The following USH2A variants were observed in gnomAD, a reference collection of about 807,000 sequenced individuals.
USH2A encodes the protein Usher syndrome 2A (autosomal recessive, mild).
USH2A carries 443 observed loss-of-function variants against 538.9 expected under a neutral mutation model. The ratio of observed to expected loss-of-function variants is 0.82; its 90% CI spans 0.76 to 0.89. The LOEUF (loss-of-function observed/expected upper bound fraction) is 0.89, where lower values mean the gene tolerates loss of function less well. Among genes scored for constraint, USH2A ranks in the 40% least tolerant of loss-of-function variants. USH2A has a pLI of 0.00. For missense variants in USH2A, 6,633 were observed against 6,324.8 expected (o/e 1.05, Z -1.65); for synonymous variants, 2,413 against 2,273.5 (o/e 1.06, Z -1.75).
intron 21 of USH2A, among the ~76,000 whole-genome samples, chr1:216,163,190 AG>A (rs1288837752): frequency 1.3e-5 from 2 of 151,918 alleles, no homozygotes; most frequent in African/African-American, 4.8e-5. Context: ...ATTAAGAACA[AG>A]GCTATTTACT....
Position 215,623,521 on chromosome 1 carries a change from G to A in USH2A, c.*2260C>T, listed in dbSNP as rs903376018. ...GGTTTGTATAATAGAGGCTTGGCAC[G>A]CAATACCACTTAAAGTAGCAAAGCA... On this transcript the variant is annotated 3_prime_UTR_variant, in exon 72 of 72. Coordinates refer to ENST00000307340, the MANE Select transcript of USH2A (RefSeq NM_206933.4). The A allele has an allele frequency of 1.3e-5, 2 of 151,880 alleles. No individual in the cohort carries two copies. Among genetic ancestry groups the A allele is most frequent in the South Asian group, 2.1e-4 (1 of 4,830 alleles). 9.4% of individuals were successfully genotyped at this position (151,880 alleles called of 1,614,324 possible).
intron 3 of USH2A, among the ~76,000 whole-genome samples, chr1:216,410,227 G>T (rs1324574667): frequency 3.3e-5 from 5 of 152,020 alleles, no homozygotes; most frequent in Admixed American, 3.3e-4. Flanking sequence ...CAGAGAAAAA[G>T]GAATGCTTAA....
intron 54 of USH2A, among the ~76,000 whole-genome samples, chr1:215,781,133 T>G (rs1010317918): frequency 9.9e-5 from 15 of 152,144 alleles, no homozygotes; most frequent in African/African-American, 3.6e-4. Flanking sequence ...TCCACAATAT[T>G]CCATATTTGT....
chr1:215,648,570 A>T lies in USH2A; in HGVS notation c.14540T>A (p.Phe4847Tyr). Reference protein sequence around the residue: ...IGTLASRTASFRWSPPMFPNG... With the variant: ...IGTLASRTASYRWSPPMFPNG... ...GGGGAACATGGGGGGACTCCACCGG[A>T]AGGAGGCCGTCCTTGAGGCCAGCGT... The change falls in exon 66 of 72, where the codon TTC becomes TAC. Residue 4847 changes from phenylalanine to tyrosine, a missense_variant. Phe to Tyr is a conservative substitution (Grantham distance 22). Transcript: ENST00000307340. 4 of 1,614,166 alleles carry T rather than the reference A, an allele frequency of 2.5e-6. No homozygotes were observed. Among genetic ancestry groups the T allele is most frequent in the Non-Finnish European group, 3.4e-6 (4 of 1,180,024 alleles).
chr1:216,115,867 C>T (rs1256437956), intron 21 of USH2A, among the ~76,000 whole-genome samples: 1 of 151,662 alleles, frequency 6.6e-6, no homozygotes, highest in African/African-American at 2.4e-5. Flanking sequence ...ACATAAAGGA[C>T]TTGCTTGTTT....
At chr1:215,671,404 A>C in intron 63 of USH2A, 111 bp from the exon 64 acceptor site, 1 of 1,112,238 alleles carries the variant, frequency 9.0e-7, no homozygotes, top group Non-Finnish European at 1.3e-6. Context: ...ATGTATTCTT[A>C]TTCACAGCTA....
chr1:216,174,873 G>A, intron 21 of USH2A: 1 of 1,062,472 alleles, frequency 9.4e-7, no homozygotes, highest in South Asian at 3.0e-5. Flanking sequence ...TCAGTAACGG[G>A]GTGCATACTG....
intron 32 of USH2A, among the ~76,000 whole-genome samples, chr1:216,008,578 G>C (rs540280195): frequency 6.6e-6 from 1 of 152,052 alleles, no homozygotes; most frequent in Non-Finnish European, 1.5e-5. Context: ...ACTCGGATCG[G>C]GGGACCTCCC....
Position 215,934,757 on chromosome 1 carries a change from T to C in USH2A, c.7159A>G (p.Met2387Val), listed in dbSNP as rs2102499769. 6.2e-7 allele frequency: 1 copy of C among 1,612,668 alleles called. No homozygotes were observed. Among genetic ancestry groups the C allele is most frequent in the Non-Finnish European group, 8.5e-7 (1 of 1,179,014 alleles). The change falls in exon 38 of 72, where the codon ATG becomes GTG. Residue 2387 changes from methionine (M) to valine (V), a missense_variant. Coordinates refer to ENST00000307340, the MANE Select transcript of USH2A (RefSeq NM_206933.4). ...NYTLLNVTKVMYSGEETNLWV... is the reference protein window; with the variant it reads ...NYTLLNVTKVVYSGEETNLWV... ...AGGTTTGTCTCTTCTCCGCTGTACATGACTTTTGTGACATTCAGAAGGGTG... is the reference window on the plus strand; with the variant it reads ...AGGTTTGTCTCTTCTCCGCTGTACACGACTTTTGTGACATTCAGAAGGGTG...
At chr1:216,250,832 A>C in intron 12 of USH2A, 71 bp downstream of exon 12, 1 of 1,541,948 alleles carries the variant, frequency 6.5e-7, no homozygotes, top group East Asian at 2.3e-5. Context: ...TCTTCAGTTA[A>C]GAAATCAAAT....
intron 11 of USH2A, among the ~76,000 whole-genome samples, chr1:216,267,788 T>C (rs1428304197): frequency 6.6e-6 from 1 of 152,098 alleles, no homozygotes; most frequent in Non-Finnish European, 1.5e-5. Context: ...AACTTCCCAG[T>C]GTACCATACA....
At chr1:215,930,255 T>C (rs1299578682) in intron 38 of USH2A, among the ~76,000 whole-genome samples, 2 of 152,024 alleles carry the variant, frequency 1.3e-5, no homozygotes, top group African/African-American at 2.4e-5. Context: ...AAAACTTTCA[T>C]TAAAAATCTG....
At chr1:215,780,716 G>A (rs1010186276) in intron 54 of USH2A, among the ~76,000 whole-genome samples, 2 of 152,226 alleles carry the variant, frequency 1.3e-5, no homozygotes, top group Admixed American at 1.3e-4. Context: ...CATGAAGTGT[G>A]CCTATGCAAA....
intron 9 of USH2A, among the ~76,000 whole-genome samples, chr1:216,308,750 A>T (rs909613556): frequency 1.3e-5 from 2 of 152,210 alleles, no homozygotes; most frequent in African/African-American, 4.8e-5. Context: ...TATGAGATGC[A>T]TGTAAACTTA....
intron 9 of USH2A, among the ~76,000 whole-genome samples, chr1:216,293,085 C>T (rs904454258): frequency 6.9e-6 from 1 of 144,556 alleles, no homozygotes; most frequent in Admixed American, 7.1e-5. Context: ...AGTGCAGTGG[C>T]ATGATCTCTG....
intron 55 of USH2A, among the ~76,000 whole-genome samples, chr1:215,773,635 C>T (rs1661367874): frequency 6.6e-6 from 1 of 151,934 alleles, no homozygotes; most frequent in African/African-American, 2.4e-5. Flanking sequence ...GTCCTGAATT[C>T]TTTCTTGGCG....
intron 11 of USH2A, among the ~76,000 whole-genome samples, chr1:216,269,754 G>A (rs1480999568): frequency 1.3e-5 from 2 of 152,056 alleles, no homozygotes; most frequent in East Asian, 1.9e-4. Context: ...TCACACCCAG[G>A]ACCTCACCAT....
At chr1:215,811,043 C>T (rs1033926226) in intron 49 of USH2A, among the ~76,000 whole-genome samples, 1 of 152,078 alleles carries the variant, frequency 6.6e-6, no homozygotes, top group African/African-American at 2.4e-5. Context: ...AAAATTATGA[C>T]AGTAAGAAAA....
intron 3 of USH2A, among the ~76,000 whole-genome samples, chr1:216,368,668 G>T (rs1320854352): frequency 6.6e-6 from 1 of 152,230 alleles, no homozygotes; most frequent in East Asian, 1.9e-4. Context: ...TAATATGCTA[G>T]ATAGTGTTTG....
Sources: allele counts gnomAD v4.1 joint callset (sites outside exome capture counted in the v4.1 genomes callset), GRCh38; gene constraint gnomAD v4.1.1; transcripts MANE v1.5; gene names NCBI Gene and HGNC (gene_info 2026-07-23, HGNC 2026-07-21).